The following NWD2 variants were observed in gnomAD, a reference collection of about 807,000 sequenced individuals.
The protein encoded by NWD2 is NACHT and WD repeat domain containing 2, also known as NACHT and WD repeat domain-containing protein 2.
In NWD2, 37 loss-of-function variants were observed where a neutral mutation model predicts 132.7. That is an observed-to-expected ratio of 0.28 (90% CI 0.21 to 0.37). The LOEUF (loss-of-function observed/expected upper bound fraction) is 0.37. NWD2 is among the 10% of genes least tolerant of loss of function. The pLI is 1.00. For missense variants in NWD2, 1,592 were observed against 2,122.4 expected (o/e 0.75, Z 4.91); for synonymous variants, 705 against 803.0 (o/e 0.88, Z 2.06).
At chr4:37,386,723 G>T (rs1720571202) in intron 3 of NWD2, among the ~76,000 whole-genome samples, 2 of 152,172 alleles carry the variant, frequency 1.3e-5, no homozygotes, top group South Asian at 4.1e-4. Context: ...ATGGTGAAAT[G>T]TGATCACCAA....
rs368553028 is a variant in NWD2, at chr4:37,444,530, G to A, written c.2542G>A (p.Asp848Asn). The change falls in exon 7 of 7, where the codon GAT becomes AAT. Residue 848 changes from aspartate (D) to asparagine (N), a missense_variant. Physicochemically the swap from Asp to Asn is conservative, Grantham distance 23 (BLOSUM62 1). Transcript: ENST00000309447. This position sits in a 1 kb window ranked among gnomAD's most constrained non-coding sequence, Gnocchi z 4.8. Reference protein sequence around the residue: ...LYHLTRCGKTDDLLYGIIMNF... With the variant: ...LYHLTRCGKTNDLLYGIIMNF... Reference sequence around the variant, plus strand: ...CCACTTGACGAGGTGTGGAAAAACCGATGACCTGCTTTACGGCATCATCAT... The same window carrying A: ...CCACTTGACGAGGTGTGGAAAAACCAATGACCTGCTTTACGGCATCATCAT... The A allele has an allele frequency of 4.8e-5, 75 of 1,551,764 alleles. No individual in the cohort carries two copies. The highest frequency in any genetic ancestry group is 5.5e-5 in the African/African-American group (4 of 73,146).
At chr4:37,415,667 G>C (rs141197103) in intron 3 of NWD2, among the ~76,000 whole-genome samples, 4,814 of 144,378 alleles carry the variant, frequency 0.033, 99 homozygotes, top group Middle Eastern at 0.066. Flanking sequence ...TCGCGCCACT[G>C]CACTCCAGCC....
intron 3 of NWD2, among the ~76,000 whole-genome samples, chr4:37,359,389 G>GA (rs1337887391): frequency 8.0e-5 from 12 of 150,496 alleles, no homozygotes; most frequent in Admixed American, 1.3e-4. Flanking sequence ...TATAGAAAAA[G>GA]AAAAAAAAAG....
intron 1 of NWD2, among the ~76,000 whole-genome samples, chr4:37,315,663 T>G (rs1234881909): frequency 6.6e-6 from 1 of 152,122 alleles, no homozygotes; most frequent in East Asian, 1.9e-4. Context: ...TCCATTTGAA[T>G]ATTTATTCCA....
At chr4:37,374,168 T>C (rs1720295087) in intron 3 of NWD2, among the ~76,000 whole-genome samples, 1 of 152,216 alleles carries the variant, frequency 6.6e-6, no homozygotes, top group Admixed American at 6.5e-5. Context: ...AGTGAGTTCT[T>C]GCCCTATTAG....
Position 37,444,774 on chromosome 4 carries a change from G to C in NWD2, c.2786G>C (p.Arg929Thr). Reference sequence around the variant, plus strand: ...GTTGTAAGCTCCCTGCCCAAACTTAGACATCTTCTTTTAGAGTGTGATAAA... The same window carrying C: ...GTTGTAAGCTCCCTGCCCAAACTTACACATCTTCTTTTAGAGTGTGATAAA... ...LPVVSSLPKL[R>T]HLLLECDKDG... The change falls in exon 7 of 7, where the codon AGA (arginine) becomes ACA (threonine). Residue 929 changes from arginine to threonine, a missense_variant. Physicochemically the swap from Arg to Thr is moderately conservative, Grantham distance 71. This residue lies in a region of NWD2 where 1,071 missense variants were observed against 1,398.0 expected (regional missense o/e 0.77). Coordinates refer to ENST00000309447, the MANE Select transcript of NWD2 (RefSeq NM_001144990.2). The surrounding 1 kb of genome is among the most constrained non-coding windows in gnomAD (Gnocchi z 4.8). The C allele has an allele frequency of 1.3e-6, 2 of 1,551,918 alleles. No individual in the cohort carries two copies. Among genetic ancestry groups the C allele is most frequent in the Non-Finnish European group, 1.7e-6 (2 of 1,147,070 alleles).
chr4:37,359,948 A>G (rs1239146666), intron 3 of NWD2, among the ~76,000 whole-genome samples: 1 of 152,178 alleles, frequency 6.6e-6, no homozygotes, highest in Non-Finnish European at 1.5e-5. Context: ...CTTGGGAAAC[A>G]TTGTAAAGCA....
chr4:37,426,596 C>T (rs2109324640), intron 3 of NWD2, among the ~76,000 whole-genome samples: 1 of 152,228 alleles, frequency 6.6e-6, no homozygotes, highest in Non-Finnish European at 1.5e-5. Context: ...CTCTGTGGTC[C>T]AGGCTCTGCC....
intron 3 of NWD2, among the ~76,000 whole-genome samples, chr4:37,372,079 T>C (rs1041435716): frequency 3.9e-5 from 6 of 152,180 alleles, no homozygotes; most frequent in Admixed American, 1.3e-4. Flanking sequence ...CATTGTTAGA[T>C]AAAATCAATT....
At chr4:37,409,389 C>G (rs1721110814) in intron 3 of NWD2, among the ~76,000 whole-genome samples, 1 of 151,466 alleles carries the variant, frequency 6.6e-6, no homozygotes, top group African/African-American at 2.4e-5. Context: ...CTGAATCAAT[C>G]AAGCAGAAGA....
chr4:37,447,355 AAATGG>A lies in NWD2; in HGVS notation c.*140_*144del. On this transcript the variant is annotated 3_prime_UTR_variant, in exon 7 of 7. Transcript: ENST00000309447. ...CCAGTGTTTTATTAAGATGTTCATG[AAATGG>A]ACAAATAGGTTAGTCTTGGGTGTGG... 1 of 681,956 alleles carries A rather than the reference AAATGG, an allele frequency of 1.5e-6. No individual in the cohort carries two copies. Among genetic ancestry groups the A allele is most frequent in the Non-Finnish European group, 2.4e-6 (1 of 410,382 alleles). The allele number at this position is 681,956 out of a possible 1,614,324, so 42.2% of individuals were successfully genotyped here.
chr4:37,340,968 A>G (rs1248742789), intron 2 of NWD2, among the ~76,000 whole-genome samples: 4 of 152,178 alleles, frequency 2.6e-5, no homozygotes, highest in East Asian at 3.9e-4. Context: ...CTGAATGTCC[A>G]TACTCCTACT....
Position 37,244,978 on chromosome 4 carries a change from C to A in NWD2, c.-90C>A, listed in dbSNP as rs1717198686. 4.0e-6 allele frequency: 6 copies of A among 1,501,230 alleles called. No individual in the cohort carries two copies. The African/African-American group carries it at 7.0e-5, about 18-fold the overall frequency. The allele number at this position is 1,501,230 out of a possible 1,614,324, so 93.0% of individuals were successfully genotyped here. Reference sequence around the variant, plus strand: ...AGCCGCGCCGCCTGCTGAGATCGACCGCCTGCTGAGCCGTTCCGTGGAGCT... The same window carrying A: ...AGCCGCGCCGCCTGCTGAGATCGACAGCCTGCTGAGCCGTTCCGTGGAGCT... On this transcript the variant is annotated 5_prime_UTR_variant, in exon 1 of 7. Coordinates refer to ENST00000309447, the MANE Select transcript of NWD2 (RefSeq NM_001144990.2). The surrounding 1 kb of genome is among the most constrained non-coding windows in gnomAD (Gnocchi z 5.5).
intron 3 of NWD2, among the ~76,000 whole-genome samples, chr4:37,422,970 A>T (rs763799151): frequency 3.4e-5 from 5 of 148,644 alleles, no homozygotes; most frequent in Non-Finnish European, 4.5e-5. Flanking sequence ...CTGTGTACAC[A>T]TTGTAGGAAA....
At chr4:37,326,045 A>C in intron 2 of NWD2, 21 bp downstream of exon 2, 2 of 1,374,368 alleles carry the variant, frequency 1.5e-6, no homozygotes, top group Non-Finnish European at 1.0e-6. Flanking sequence ...TGTTAATTTC[A>C]TTCACAGTTA....
At chr4:37,300,654 C>A (rs1577660477) in intron 1 of NWD2, among the ~76,000 whole-genome samples, 1 of 151,862 alleles carries the variant, frequency 6.6e-6, no homozygotes, top group Non-Finnish European at 1.5e-5. Context: ...TAATAAAGCA[C>A]AAAAAGTATA....
chr4:37,302,584 A>G (rs539751482), intron 1 of NWD2, among the ~76,000 whole-genome samples: 1 of 152,212 alleles, frequency 6.6e-6, no homozygotes, highest in African/African-American at 2.4e-5. Flanking sequence ...TAAACAATGT[A>G]CAAGAGTTCT....
chr4:37,250,838 G>A (rs970115592), intron 1 of NWD2, among the ~76,000 whole-genome samples: 2 of 152,148 alleles, frequency 1.3e-5, no homozygotes, highest in Admixed American at 6.5e-5. Context: ...AGATGATACC[G>A]TTTACTATAC....
At position 37,376,265 on chromosome 4, in the gene NWD2, T is replaced by C. The variant is rs185783455; in HGVS notation, c.357+19783T>C. 7.9e-5 allele frequency among the ~76,000 whole-genome samples: 12 copies of C among 152,352 alleles called. 1 individual carries two copies. In the East Asian group the frequency reaches 2.3e-3, roughly 29 times the overall value. ...AGAGAAAATGAGAATGTCCATCTCATAGCAACATTATCAGCTCTGAATAGT... is the reference window on the plus strand; with the variant it reads ...AGAGAAAATGAGAATGTCCATCTCACAGCAACATTATCAGCTCTGAATAGT... On this transcript the variant is annotated intron_variant, in intron 3 of 6. Coordinates refer to ENST00000309447, the MANE Select transcript of NWD2 (RefSeq NM_001144990.2).
Sources: gnomAD v4.1 joint callset for allele counts (sites outside exome capture counted in the v4.1 genomes callset) on GRCh38, gnomAD v4.1.1 for gene constraint, gnomAD v4.1.1 regional missense constraint, Gnocchi (gnomAD v3.1) non-coding constraint, MANE v1.5 for transcripts, NCBI Gene and HGNC (gene_info 2026-07-23, HGNC 2026-07-21) for gene names.